Variants in CSMD1 observed in about 807,000 individuals in gnomAD.
CSMD1 encodes the protein CUB and Sushi multiple domains 1.
A neutral mutation model predicts 417.5 loss-of-function variants in CSMD1; 213 were observed. The observed-to-expected ratio is 0.51, with a 90% CI of 0.46 to 0.57. The LOEUF (loss-of-function observed/expected upper bound fraction) is 0.57, where lower values mean the gene tolerates loss of function less well. CSMD1 is among the 20% of genes least tolerant of loss of function. CSMD1 has a pLI of 0.00. For synonymous variants in CSMD1, 2,862 were observed against 1,736.8 expected (o/e 1.65, Z -16.11); for missense variants, 6,923 against 4,529.7 (o/e 1.53, Z -15.17).
intron 2 of CSMD1, among the ~76,000 whole-genome samples, chr8:4,632,816 G>C (rs550182126): frequency 2.0e-5 from 3 of 152,232 alleles, no homozygotes; most frequent in African/African-American, 7.2e-5. Context: ...TGTGCACTGC[G>C]TTTTGAAAGA....
At chr8:4,713,543 A>G (rs960742201) in intron 1 of CSMD1, among the ~76,000 whole-genome samples, 1 of 152,168 alleles carries the variant, frequency 6.6e-6, no homozygotes, top group Non-Finnish European at 1.5e-5. Flanking sequence ...CTGGGACTAC[A>G]GGCGGCTGCC....
At chr8:4,433,496 T>G (rs1178588709) in intron 2 of CSMD1, among the ~76,000 whole-genome samples, 1 of 152,156 alleles carries the variant, frequency 6.6e-6, no homozygotes, top group East Asian at 1.9e-4. Flanking sequence ...GCCAAGTGTT[T>G]CCCTCATTCC....
In CSMD1 at chr8:3,627,591, A is replaced by G. The variant is rs923656506; in HGVS notation, c.1010-10794T>C. Among the ~76,000 whole-genome samples the G allele has an allele frequency of 2.0e-5, 3 of 152,332 alleles. No homozygotes were observed. The South Asian group carries it at 6.2e-4, about 32-fold the overall frequency. On this transcript the variant is annotated intron_variant, in intron 7 of 69. Coordinates refer to ENST00000635120, the MANE Select transcript of CSMD1 (RefSeq NM_033225.6). ...TAAATGTGGAAAAGGTAACAATCTA[A>G]TATTATATTCTATAGTGTAAACTTT...
chr8:4,238,008 G>C (rs1288069680), intron 3 of CSMD1, among the ~76,000 whole-genome samples: 1 of 152,118 alleles, frequency 6.6e-6, no homozygotes, highest in East Asian at 1.9e-4. Context: ...CTACTGGGCG[G>C]GACGAACCAC....
At chr8:4,197,258 G>T (rs1383362632) in intron 3 of CSMD1, among the ~76,000 whole-genome samples, 5 of 152,190 alleles carry the variant, frequency 3.3e-5, no homozygotes, top group African/African-American at 9.6e-5. Context: ...TAACCAGATA[G>T]ATTTTCAAAT....
At chr8:4,439,566 T>G (rs1037404008) in intron 2 of CSMD1, among the ~76,000 whole-genome samples, 3 of 152,180 alleles carry the variant, frequency 2.0e-5, no homozygotes, top group Admixed American at 6.5e-5. Flanking sequence ...TACTATCTGC[T>G]GAAAATACAT....
intron 3 of CSMD1, among the ~76,000 whole-genome samples, chr8:4,339,492 C>T (rs139816574): frequency 2.6e-5 from 4 of 152,132 alleles, no homozygotes; most frequent in African/African-American, 7.2e-5. Context: ...AGCTGAGTGA[C>T]AAAGAGTTTA....
At chr8:4,935,110 T>G (rs1369376868) in intron 1 of CSMD1, among the ~76,000 whole-genome samples, 2 of 152,234 alleles carry the variant, frequency 1.3e-5, no homozygotes, top group Admixed American at 6.5e-5. Flanking sequence ...TCTGCCTTCA[T>G]TCCTTATAGC....
intron 3 of CSMD1, among the ~76,000 whole-genome samples, chr8:4,336,777 C>T (rs1204182295): frequency 6.6e-6 from 1 of 152,028 alleles, no homozygotes; most frequent in African/African-American, 2.4e-5. Context: ...AAGCTGGGCC[C>T]AGAGGGAGAT....
intron 3 of CSMD1, among the ~76,000 whole-genome samples, chr8:4,112,309 C>G (rs574364138): frequency 6.6e-6 from 1 of 152,206 alleles, no homozygotes; most frequent in African/African-American, 2.4e-5. Flanking sequence ...CACATTTACA[C>G]AGACTCCACC....
At chr8:4,169,435 T>C (rs912215950) in intron 3 of CSMD1, among the ~76,000 whole-genome samples, 1 of 152,150 alleles carries the variant, frequency 6.6e-6, no homozygotes, top group African/African-American at 2.4e-5. Flanking sequence ...CCACCTTTAA[T>C]CTTTCAGCTA....
chr8:4,275,906 CA>C (rs1457244471), intron 3 of CSMD1, among the ~76,000 whole-genome samples: 3 of 152,142 alleles, frequency 2.0e-5, no homozygotes, highest in Admixed American at 2.0e-4. Context: ...TGCACAAAAA[CA>C]GGATTGTTTA....
chr8:4,803,116 G>A (rs909298154), intron 1 of CSMD1, among the ~76,000 whole-genome samples: 4 of 152,080 alleles, frequency 2.6e-5, no homozygotes, highest in African/African-American at 9.7e-5. Flanking sequence ...AAAAGATCAT[G>A]TATATGATTT....
chr8:3,853,572 A>G (rs1390758360), intron 5 of CSMD1, among the ~76,000 whole-genome samples: 2 of 152,136 alleles, frequency 1.3e-5, no homozygotes, highest in Admixed American at 1.3e-4. Context: ...TGATTATGAA[A>G]AAAATAAGTT....
intron 3 of CSMD1, among the ~76,000 whole-genome samples, chr8:4,145,672 C>T (rs1439863453): frequency 6.6e-6 from 1 of 150,946 alleles, no homozygotes; most frequent in Non-Finnish European, 1.5e-5. Flanking sequence ...TACAGCCTCA[C>T]AACACCACAC....
rs560422407 is a variant in CSMD1 at position 3,014,651 on chromosome 8, G to A, written c.8029+3826C>T. Among the ~76,000 whole-genome samples, 39 of 152,186 alleles carry A rather than the reference G, an allele frequency of 2.6e-4. No homozygotes were observed. The East Asian group carries it at 3.9e-3, about 15-fold the overall frequency. On this transcript the variant is annotated intron_variant, in intron 52 of 69. Coordinates refer to ENST00000635120, the MANE Select transcript of CSMD1 (RefSeq NM_033225.6). ...CAGTTTCTGATTTTAAAAACGTCCC[G>A]CCTATAATCCCAGCACTTTGGGAAC...
At chr8:4,141,808 G>A (rs571387220) in intron 3 of CSMD1, among the ~76,000 whole-genome samples, 1 of 151,034 alleles carries the variant, frequency 6.6e-6, no homozygotes, top group East Asian at 1.9e-4. Flanking sequence ...ATTTTACAAT[G>A]ACTAACTGAA....
At chr8:3,889,329 C>A (rs1028481474) in intron 5 of CSMD1, among the ~76,000 whole-genome samples, 2 of 150,968 alleles carry the variant, frequency 1.3e-5, no homozygotes. Context: ...AGACGATAAT[C>A]TGCCATGTCT....
At position 3,237,862 on chromosome 8, in the gene CSMD1, AATTTTTAT is replaced by A. The variant is rs1799254096; in HGVS notation, c.4154-7639_4154-7632del. Among the ~76,000 whole-genome samples, 2 of 28,254 alleles carry A rather than the reference AATTTTTAT, an allele frequency of 7.1e-5. 1 individual carries two copies. The highest frequency in any genetic ancestry group is 1.8e-4 in the Non-Finnish European group (2 of 11,362). 18.5% of individuals were successfully genotyped at this position (28,254 alleles called of 152,430 possible). A position where few individuals can be genotyped will look rare whatever the true frequency, so the allele number is the denominator to read the frequency against. On this transcript the variant is annotated intron_variant, in intron 26 of 69. Transcript: ENST00000635120. ...ATAATTATACTTATACTATAAATAT[AATTTTTAT>A]AATTATACTATAAATATAATTTTTA...
Sources: gnomAD v4.1 joint callset for allele counts (sites outside exome capture counted in the v4.1 genomes callset) on GRCh38, gnomAD v4.1.1 for gene constraint, MANE v1.5 for transcripts, NCBI Gene and HGNC (gene_info 2026-07-23, HGNC 2026-07-21) for gene names.